The following NEMP2 variants were observed in gnomAD, a reference collection of about 807,000 sequenced individuals.
NEMP2 encodes UPF0571 transmembrane protein.
In NEMP2, 53 loss-of-function variants were observed where a neutral mutation model predicts 54.2. The observed-to-expected ratio is 0.98, with a 90% CI of 0.78 to 1.23. The LOEUF (loss-of-function observed/expected upper bound fraction) is 1.23. Among genes scored for constraint, NEMP2 ranks in the 50% most tolerant of loss-of-function variants. The pLI, the probability that NEMP2 is intolerant of heterozygous loss-of-function variation, is 0.00. For synonymous variants in NEMP2, 197 were observed against 190.3 expected (o/e 1.04, Z -0.29); for missense variants, 455 against 511.3 (o/e 0.89, Z 1.06).
At chr2:190,641,373 C>T in the NEMP2 span, 7 of 152,280 alleles carry the variant, frequency 4.6e-5, no homozygotes, top group African/African-American at 1.4e-4. Context: ...ACAAGTCACA[C>T]ACCTTTGTCA....
At chr2:190,621,352 G>A in the NEMP2 span, among the ~76,000 whole-genome samples, 1,466 of 152,274 alleles carry the variant, frequency 9.6e-3, 11 homozygotes, top group Non-Finnish European at 0.015. Flanking sequence ...GTAAACATTT[G>A]TGCGTCTCAA....
At chr2:190,647,710 C>CTTTTTTT in the NEMP2 span, among the ~76,000 whole-genome samples, 50 of 102,364 alleles carry the variant, frequency 4.9e-4, no homozygotes, top group African/African-American at 8.4e-4. Flanking sequence ...TCTTCTTCTT[C>CTTTTTTT]TTTTTTTTTT....
At chr2:190,603,989 T>G in the NEMP2 span, among the ~76,000 whole-genome samples, 12 of 152,220 alleles carry the variant, frequency 7.9e-5, no homozygotes, top group Admixed American at 7.9e-4. Context: ...GGACCTCATT[T>G]TAATCATTTT....
chr2:190,493,734 C>T, the NEMP2 span, among the ~76,000 whole-genome samples: 1 of 152,070 alleles, frequency 6.6e-6, no homozygotes, highest in Non-Finnish European at 1.5e-5. Context: ...CAAAACCATG[C>T]AAATAAATGG....
chr2:190,431,486 C>T, the NEMP2 span, among the ~76,000 whole-genome samples: 8 of 152,330 alleles, frequency 5.3e-5, no homozygotes, highest in Admixed American at 1.3e-4. The surrounding 1 kb of genome is among the most constrained non-coding windows in gnomAD (Gnocchi z 4.4). Flanking sequence ...GCGGATCACT[C>T]GCGATTAGGA....
chr2:190,598,487 G>T, the NEMP2 span, among the ~76,000 whole-genome samples: 3 of 152,204 alleles, frequency 2.0e-5, no homozygotes, highest in Admixed American at 1.3e-4. Context: ...TTGTCTTAAA[G>T]AATGCTATTG....
At chr2:190,465,285 C>T in the NEMP2 span, among the ~76,000 whole-genome samples, 1 of 152,122 alleles carries the variant, frequency 6.6e-6, no homozygotes, top group African/African-American at 2.4e-5. This position sits in a 1 kb window ranked among gnomAD's most constrained non-coding sequence, Gnocchi z 4.6. Context: ...TTCAGTTTAC[C>T]AACCACCTGT....
chr2:190,501,927 G>A (rs1690042268), downstream of NEMP2: 1 of 152,586 alleles, frequency 6.6e-6, no homozygotes, highest in Admixed American at 6.6e-5. Context: ...ACCTATGAAT[G>A]TACAGTATGT....
At chr2:190,511,258 C>CAGT (rs1157107688) in intron 7 of NEMP2, among the ~76,000 whole-genome samples, 1 of 152,010 alleles carries the variant, frequency 6.6e-6, no homozygotes, top group Non-Finnish European at 1.5e-5. Context: ...GAACACTGAC[C>CAGT]ATTTACTCTC....
the NEMP2 span, among the ~76,000 whole-genome samples, chr2:190,646,158 A>G: frequency 6.6e-6 from 1 of 152,246 alleles, no homozygotes; most frequent in Non-Finnish European, 1.5e-5. Context: ...AATGGCAACT[A>G]TTTGTGTTAG....
chr2:190,648,194 G>A, the NEMP2 span: 3 of 152,294 alleles, frequency 2.0e-5, no homozygotes, highest in Non-Finnish European at 4.4e-5. Flanking sequence ...ATTTTCAGGA[G>A]GTTAAAAAGG....
At chr2:190,524,003 T>A (rs536633076) in intron 2 of NEMP2, among the ~76,000 whole-genome samples, 47 of 150,022 alleles carry the variant, frequency 3.1e-4, no homozygotes, top group African/African-American at 1.1e-3. Flanking sequence ...CGGAGTTCAG[T>A]AGACTCATGG....
the NEMP2 span, among the ~76,000 whole-genome samples, chr2:190,647,190 T>C: frequency 6.6e-6 from 1 of 152,350 alleles, no homozygotes; most frequent in South Asian, 2.1e-4. Flanking sequence ...AGCAGACTTA[T>C]TCATTTGAAA....
chr2:190,563,791 T>G, the NEMP2 span, among the ~76,000 whole-genome samples: 12 of 152,198 alleles, frequency 7.9e-5, no homozygotes. The surrounding 1 kb of genome is among the most constrained non-coding windows in gnomAD (Gnocchi z 4.3). Context: ...CCTGACAAGA[T>G]TAATTGGCTG....
At chr2:190,490,697 A>G in the NEMP2 span, among the ~76,000 whole-genome samples, 1 of 152,238 alleles carries the variant, frequency 6.6e-6, no homozygotes. This position sits in a 1 kb window ranked among gnomAD's most constrained non-coding sequence, Gnocchi z 4.5. Context: ...GATGAGAATG[A>G]GCTGACTCAA....
the NEMP2 span, among the ~76,000 whole-genome samples, chr2:190,499,106 C>T: frequency 1.1e-4 from 17 of 152,112 alleles, no homozygotes; most frequent in Non-Finnish European, 2.1e-4. This position sits in a 1 kb window ranked among gnomAD's most constrained non-coding sequence, Gnocchi z 6.0. Context: ...CAAGGTCACG[C>T]CACTGCACTC....
the NEMP2 span, among the ~76,000 whole-genome samples, chr2:190,476,387 G>T: frequency 6.6e-6 from 1 of 152,040 alleles, no homozygotes; most frequent in Non-Finnish European, 1.5e-5. Context: ...TCAACAAGTG[G>T]GCAAAGGATA....
intron 7 of NEMP2, among the ~76,000 whole-genome samples, chr2:190,511,398 A>C (rs1200818065): frequency 1.3e-5 from 2 of 152,132 alleles, no homozygotes; most frequent in African/African-American, 4.8e-5. Context: ...TGACGAGTGG[A>C]TCATGATTAG....
chr2:190,616,609 T>G, the NEMP2 span, among the ~76,000 whole-genome samples: 21 of 152,288 alleles, frequency 1.4e-4, no homozygotes, highest in East Asian at 3.7e-3. This position sits in a 1 kb window ranked among gnomAD's most constrained non-coding sequence, Gnocchi z 5.1. Flanking sequence ...GAGGGCATGC[T>G]CACTACAATG....
Sources: gnomAD v4.1 joint callset for allele counts (sites outside exome capture counted in the v4.1 genomes callset) on GRCh38, gnomAD v4.1.1 for gene constraint, Gnocchi (gnomAD v3.1) non-coding constraint, MANE v1.5 for transcripts, NCBI Gene and HGNC (gene_info 2026-07-23, HGNC 2026-07-21) for gene names.